The following PLD1 variants were observed in gnomAD, a reference collection of about 807,000 sequenced individuals.
The protein encoded by PLD1 is choline phosphatase 1.
PLD1 carries 112 observed loss-of-function variants against 137.1 expected under a neutral mutation model. That is an observed-to-expected ratio of 0.82 (90% confidence interval 0.70 to 0.96). The LOEUF is 0.96. PLD1 is among the 40% of genes least tolerant of loss of function. The probability of loss-of-function intolerance (pLI) is 0.00; values close to 1 mark genes in which losing one functional copy is unlikely to be tolerated. For missense variants in PLD1, 1,321 were observed against 1,342.0 expected (o/e 0.98, Z 0.24); for synonymous variants, 431 against 454.7 (o/e 0.95, Z 0.66).
chr3:171,659,253 T>C lies in PLD1; in HGVS notation c.2389A>G (p.Ile797Val), dbSNP rs143435053. The change falls in exon 21 of 27, where the codon ATA becomes GTA. Residue 797 changes from isoleucine to valine, a missense_variant. Transcript: ENST00000351298. Reference protein sequence around the residue: ...CADDKVVFNKIGDAIAQRILK... With the variant: ...CADDKVVFNKVGDAIAQRILK... The stretch of plus-strand genomic sequence containing the variant: ...ATCCTCTGGGCAATGGCATCGCCTA[T>C]CTTGTTGAACACAACTTTGTCATCA... 1.1e-3 allele frequency: 1,760 copies of C among 1,613,842 alleles called. 1 individual carries two copies. The highest frequency in any genetic ancestry group is 1.4e-3 in the Non-Finnish European group (1,622 of 1,179,666).
chr3:171,693,490 A>G (rs916606826), intron 12 of PLD1, among the ~76,000 whole-genome samples: 5 of 151,900 alleles, frequency 3.3e-5, no homozygotes, highest in Non-Finnish European at 5.9e-5. Context: ...TCCCCCTCCA[A>G]TGTATAGTTC....
chr3:171,782,262 G>T (rs1722825378), intron 1 of PLD1, among the ~76,000 whole-genome samples: 1 of 152,174 alleles, frequency 6.6e-6, no homozygotes, highest in African/African-American at 2.4e-5. Flanking sequence ...GGACTAACTG[G>T]GAAGCAACAT....
At chr3:171,617,697 G>A (rs1297193861) in intron 24 of PLD1, among the ~76,000 whole-genome samples, 1 of 152,076 alleles carries the variant, frequency 6.6e-6, no homozygotes, top group Admixed American at 6.5e-5. Context: ...TGACCAGCAG[G>A]GTTACCCAGG....
At chr3:171,637,338 C>T (rs1273754815) in intron 23 of PLD1, among the ~76,000 whole-genome samples, 3 of 152,108 alleles carry the variant, frequency 2.0e-5, no homozygotes, top group Non-Finnish European at 4.4e-5. Flanking sequence ...CGGGTTCAAG[C>T]GATTCTCGTG....
chr3:171,707,386 A>G (rs1274964831), intron 11 of PLD1, among the ~76,000 whole-genome samples: 2 of 152,232 alleles, frequency 1.3e-5, no homozygotes, highest in Non-Finnish European at 2.9e-5. Flanking sequence ...TCTCTCTCAC[A>G]TCTTCACCAA....
chr3:171,800,855 G>A (rs1227484058), intron 1 of PLD1, among the ~76,000 whole-genome samples: 4 of 152,088 alleles, frequency 2.6e-5, no homozygotes, highest in Admixed American at 2.6e-4. Context: ...GTCCCTCTCT[G>A]GCCTCTTTTA....
At chr3:171,783,990 G>A (rs185544431) in intron 1 of PLD1, among the ~76,000 whole-genome samples, 14 of 152,230 alleles carry the variant, frequency 9.2e-5, no homozygotes, top group Admixed American at 9.2e-4. Context: ...CAGGACTCTT[G>A]TCTTATACTC....
chr3:171,626,726 C>G (rs897012623), intron 23 of PLD1, among the ~76,000 whole-genome samples: 1 of 150,936 alleles, frequency 6.6e-6, no homozygotes, highest in African/African-American at 2.5e-5. Context: ...GAATTTTCAA[C>G]CCAGAATTTC....
At chr3:171,710,550 C>G (rs1017685835) in intron 9 of PLD1, among the ~76,000 whole-genome samples, 1 of 152,204 alleles carries the variant, frequency 6.6e-6, no homozygotes, top group African/African-American at 2.4e-5. Context: ...TGTGGCTGAT[C>G]TGACAGAAGG....
In PLD1 at chr3:171,680,242, C is replaced by CTTTTTTTTTTTTTTTTTTTTTTTTTTTT. The variant is rs571538714; in HGVS notation, c.1868-2549_1868-2548insAAAAAAAAAAAAAAAAAAAAAAAAAAAA. On this transcript the variant is annotated intron_variant, in intron 16 of 26. Transcript: ENST00000351298. ...GTCTTTTTGTTTTCTTTTTCTTCCT[C>CTTTTTTTTTTTTTTTTTTTTTTTTTTTT]TTTTTTTTTTTTTTTTTTTTTTTTT... Among the ~76,000 whole-genome samples, 4 of 102,928 alleles carry CTTTTTTTTTTTTTTTTTTTTTTTTTTTT rather than the reference C, an allele frequency of 3.9e-5. 2 individuals carry two copies. Among genetic ancestry groups the CTTTTTTTTTTTTTTTTTTTTTTTTTTTT allele is most frequent in the Non-Finnish European group, 3.8e-5 (2 of 52,644 alleles). 67.5% of individuals were successfully genotyped at this position (102,928 alleles called of 152,430 possible).
intron 15 of PLD1, among the ~76,000 whole-genome samples, chr3:171,687,000 A>G (rs955213890): frequency 2.6e-5 from 4 of 152,226 alleles, no homozygotes; most frequent in Non-Finnish European, 5.9e-5. Flanking sequence ...TGTTTGACGA[A>G]ATAAGCTTGA....
Position 171,616,886 on chromosome 3 carries a change from C to T in PLD1, c.2728+3500G>A, listed in dbSNP as rs188650910. ...ACAGCAGTAATGGGAAACGAACGCA[C>T]GAACTCTACCCCGTTTTAGTTTGTT... On this transcript the variant is annotated intron_variant, in intron 24 of 26. Coordinates refer to ENST00000351298, the MANE Select transcript of PLD1 (RefSeq NM_002662.5). Among the ~76,000 whole-genome samples the T allele has an allele frequency of 1.5e-4, 23 of 152,250 alleles. No individual in the cohort carries two copies. The Middle Eastern group carries it at 0.01, about 68-fold the overall frequency.
intron 23 of PLD1, among the ~76,000 whole-genome samples, chr3:171,623,715 A>C (rs1017672691): frequency 1.3e-5 from 2 of 152,142 alleles, no homozygotes; most frequent in African/African-American, 4.8e-5. Flanking sequence ...AGTGAATGGG[A>C]TAGAAAGTCC....
In PLD1 at chr3:171,603,262, A is replaced by C. The variant is rs1228657000; in HGVS notation, c.3041T>G (p.Ile1014Ser). 3 of 1,613,960 alleles carry C rather than the reference A, an allele frequency of 1.9e-6. No homozygotes were observed. Among genetic ancestry groups the C allele is most frequent in the Non-Finnish European group, 2.5e-6 (3 of 1,179,980 alleles). ...CLPNDEVHNL[I>S]QLRDFINKPV... ...CTTGTTTATAAAGTCTCTCAGCTGA[A>C]TTAAATTGTGTACTTCATCATTGGG... is the stretch of plus-strand genomic sequence containing the variant. The change falls in exon 27 of 27, where the codon ATT becomes AGT. Residue 1014 changes from isoleucine (I) to serine (S), a missense_variant. Coordinates refer to ENST00000351298, the MANE Select transcript of PLD1 (RefSeq NM_002662.5).
At chr3:171,676,477 C>A (rs761127015) in intron 18 of PLD1, among the ~76,000 whole-genome samples, 1 of 152,266 alleles carries the variant, frequency 6.6e-6, no homozygotes, top group Non-Finnish European at 1.5e-5. Flanking sequence ...TCAGGACCCA[C>A]ACAGCAGCAC....
intron 3 of PLD1, among the ~76,000 whole-genome samples, chr3:171,735,994 A>G (rs1719329145): frequency 6.6e-6 from 1 of 152,222 alleles, no homozygotes; most frequent in African/African-American, 2.4e-5. Flanking sequence ...GGTCCAGTCC[A>G]CAAATATAAG....
intron 1 of PLD1, among the ~76,000 whole-genome samples, chr3:171,783,948 AC>A (rs1560301790): frequency 6.6e-6 from 1 of 152,038 alleles, no homozygotes; most frequent in African/African-American, 2.4e-5. Context: ...CGCCCAGCCC[AC>A]CCTCTTAACT....
intron 1 of PLD1, among the ~76,000 whole-genome samples, chr3:171,764,889 A>G (rs1199150753): frequency 3.8e-5 from 1 of 26,442 alleles, no homozygotes; most frequent in African/African-American, 1.5e-4. Flanking sequence ...GAAAGAAAGA[A>G]AGAAAGGAAG....
intron 1 of PLD1, among the ~76,000 whole-genome samples, chr3:171,787,542 T>G (rs1271331147): frequency 6.6e-6 from 1 of 152,188 alleles, no homozygotes; most frequent in Non-Finnish European, 1.5e-5. Context: ...ATGTTATGGA[T>G]TTGTGCACCA....
Sources: allele counts gnomAD v4.1 joint callset (sites outside exome capture counted in the v4.1 genomes callset), GRCh38; gene constraint gnomAD v4.1.1; transcripts MANE v1.5; gene names NCBI Gene and HGNC (gene_info 2026-07-23, HGNC 2026-07-21).